The following BNC2 variants were observed in gnomAD, a reference collection of about 807,000 sequenced individuals.
BNC2 encodes basonuclin zinc finger protein 2, also known as zinc finger protein basonuclin-2.
In BNC2, 20 loss-of-function variants were observed where a neutral mutation model predicts 76.3. The ratio of observed to expected loss-of-function variants is 0.26; its 90% CI spans 0.18 to 0.38. The LOEUF is 0.38. Ranked by LOEUF, BNC2 falls within the 10% of genes least tolerant of loss-of-function variation. The pLI, the probability that BNC2 is intolerant of heterozygous loss-of-function variation, is 1.00. For missense variants in BNC2, 1,382 were observed against 1,399.8 expected (o/e 0.99, Z 0.20); for synonymous variants, 582 against 514.8 (o/e 1.13, Z -1.77).
At chr9:16,842,323 T>C (rs1347125748) in intron 1 of BNC2, among the ~76,000 whole-genome samples, 1 of 152,172 alleles carries the variant, frequency 6.6e-6, no homozygotes, top group Non-Finnish European at 1.5e-5. Context: ...GTTTCTGTGA[T>C]AGGAAAAAGA....
chr9:16,551,898 A>C (rs758851188), intron 5 of BNC2, among the ~76,000 whole-genome samples: 3 of 152,170 alleles, frequency 2.0e-5, no homozygotes, highest in Non-Finnish European at 2.9e-5. Flanking sequence ...AGTGCCATTG[A>C]CACAAAGGAG....
chr9:16,434,782 T>C, intron 6 of BNC2: 1 of 455,010 alleles, frequency 2.2e-6, no homozygotes, highest in Admixed American at 2.4e-5. Context: ...AGGCTGGACA[T>C]AATATATTCG....
intron 1 of BNC2, among the ~76,000 whole-genome samples, chr9:16,764,770 C>T (rs1825645462): frequency 6.7e-6 from 1 of 149,334 alleles, no homozygotes; most frequent in Admixed American, 6.7e-5. Flanking sequence ...AATTATCTTT[C>T]TACTTTAAAA....
intron 2 of BNC2, among the ~76,000 whole-genome samples, chr9:16,737,698 G>C (rs1455530617): frequency 6.6e-6 from 1 of 152,116 alleles, no homozygotes; most frequent in Non-Finnish European, 1.5e-5. Flanking sequence ...AAATGTTCAT[G>C]AACTTAGAGA....
At chr9:16,738,612 G>C (rs948702234) in intron 1 of BNC2, 127 bp from the exon 2 acceptor site, 1 of 1,081,896 alleles carries the variant, frequency 9.2e-7, no homozygotes. Context: ...CATTTTTTAA[G>C]AGTTAATAGT....
chr9:16,789,074 A>T (rs1045425917), intron 1 of BNC2, among the ~76,000 whole-genome samples: 5 of 152,226 alleles, frequency 3.3e-5, no homozygotes, highest in Admixed American at 2.6e-4. Flanking sequence ...TCTTACATGC[A>T]ACAACATGGA....
chr9:16,452,485 C>T (rs549487285), intron 5 of BNC2, among the ~76,000 whole-genome samples: 12 of 152,172 alleles, frequency 7.9e-5, no homozygotes, highest in African/African-American at 2.9e-4. Flanking sequence ...TGCAGTGGCA[C>T]GATATTGGCT....
At chr9:16,787,730 T>C (rs1332784931) in intron 1 of BNC2, among the ~76,000 whole-genome samples, 1 of 152,322 alleles carries the variant, frequency 6.6e-6, no homozygotes, top group Middle Eastern at 3.4e-3. Context: ...CTTTCTTCTT[T>C]GTAGAGACGA....
chr9:16,427,150 T>C (rs551140562), intron 6 of BNC2, among the ~76,000 whole-genome samples: 93 of 152,234 alleles, frequency 6.1e-4, no homozygotes, highest in Non-Finnish European at 1.1e-3. Context: ...CCCTTGGGAT[T>C]GTCAAAGTGC....
chr9:16,680,615 C>T (rs760629824), intron 3 of BNC2, among the ~76,000 whole-genome samples: 2 of 151,324 alleles, frequency 1.3e-5, no homozygotes, highest in Non-Finnish European at 2.9e-5. Context: ...GAATAAGGGG[C>T]CTTTCCATTT....
Position 16,663,128 on chromosome 9 carries a change from C to CTTTTTTTTTTTTTTTTTT in BNC2, c.330+64668_330+64669insAAAAAAAAAAAAAAAAAA, listed in dbSNP as rs1220327938. On this transcript the variant is annotated intron_variant, in intron 3 of 6. Coordinates refer to ENST00000380672, the MANE Select transcript of BNC2 (RefSeq NM_017637.6). The stretch of plus-strand genomic sequence containing the variant: ...ATCCATAGGCACTCCACTCTGTTTA[C>CTTTTTTTTTTTTTTTTTT]TCTTTTTTTTTTTTTTTTGGAGACG... 4.6e-4 allele frequency among the ~76,000 whole-genome samples: 24 copies of CTTTTTTTTTTTTTTTTTT among 51,688 alleles called. 1 individual carries two copies. Among genetic ancestry groups the CTTTTTTTTTTTTTTTTTT allele is most frequent in the African/African-American group, 1.5e-3 (22 of 14,602 alleles). The allele number at this position is 51,688 out of a possible 152,430, so 33.9% of individuals were successfully genotyped here.
At chr9:16,552,820 A>G in intron 4 of BNC2, 55 bp from the exon 5 acceptor site, 1 of 1,407,214 alleles carries the variant, frequency 7.1e-7, no homozygotes, top group Non-Finnish European at 1.0e-6. Flanking sequence ...TAAGATAAAG[A>G]GAGAGAACAG....
At chr9:16,456,989 T>G (rs1047934743) in intron 5 of BNC2, among the ~76,000 whole-genome samples, 2 of 152,216 alleles carry the variant, frequency 1.3e-5, no homozygotes, top group African/African-American at 4.8e-5. Flanking sequence ...AGGGAAAATG[T>G]GTGAGTATAT....
intron 3 of BNC2, among the ~76,000 whole-genome samples, chr9:16,602,624 A>G (rs1276664307): frequency 6.6e-6 from 1 of 152,222 alleles, no homozygotes; most frequent in Non-Finnish European, 1.5e-5. Flanking sequence ...GCCGAGAGCA[A>G]TGCCAATTAG....
intron 1 of BNC2, among the ~76,000 whole-genome samples, chr9:16,781,529 G>A (rs1826154386): frequency 1.3e-5 from 2 of 152,190 alleles, no homozygotes; most frequent in African/African-American, 4.8e-5. Flanking sequence ...TTTTAGTAGA[G>A]ACGGGGTTTC....
intron 5 of BNC2, among the ~76,000 whole-genome samples, chr9:16,518,300 G>A (rs1197737848): frequency 2.6e-5 from 4 of 151,954 alleles, no homozygotes; most frequent in East Asian, 1.9e-4. Flanking sequence ...TGGGCATGGC[G>A]GTGTGCACCT....
At chr9:16,522,173 A>AG (rs35873988) in intron 5 of BNC2, among the ~76,000 whole-genome samples, 7 of 152,148 alleles carry the variant, frequency 4.6e-5, no homozygotes, top group Non-Finnish European at 1.0e-4. Flanking sequence ...GCAGGAGGAG[A>AG]GGGGAAGAGC....
intron 5 of BNC2, among the ~76,000 whole-genome samples, chr9:16,511,937 A>G (rs7024707): frequency 0.11 from 16,922 of 152,188 alleles, 1,256 homozygotes; most frequent in East Asian, 0.29. Flanking sequence ...TTCCATCAAA[A>G]GTGCTCTCCG....
chr9:16,679,767 G>A (rs1172567150), intron 3 of BNC2, among the ~76,000 whole-genome samples: 2 of 152,222 alleles, frequency 1.3e-5, no homozygotes, highest in African/African-American at 4.8e-5. Flanking sequence ...ACCAGCAAAT[G>A]CATTAGCAAG....
Sources: allele counts gnomAD v4.1 joint callset (sites outside exome capture counted in the v4.1 genomes callset), GRCh38; gene constraint gnomAD v4.1.1; transcripts MANE v1.5; gene names NCBI Gene and HGNC (gene_info 2026-07-23, HGNC 2026-07-21).